CHN2: variants seen among roughly 807,000 people sequenced by gnomAD.
CHN2 encodes the protein beta-chimaerin.
In CHN2, 35 loss-of-function variants were observed where a neutral mutation model predicts 56.3. The ratio of observed to expected loss-of-function variants is 0.62; its 90% CI spans 0.47 to 0.82. The LOEUF (loss-of-function observed/expected upper bound fraction) is 0.82. Among genes scored for constraint, CHN2 ranks in the 40% least tolerant of loss-of-function variants. The pLI, the probability that CHN2 is intolerant of heterozygous loss-of-function variation, is 0.00. For synonymous variants in CHN2, 210 were observed against 212.8 expected (o/e 0.99, Z 0.12); for missense variants, 491 against 580.5 (o/e 0.85, Z 1.58).
intron 1 of CHN2, among the ~76,000 whole-genome samples, chr7:29,310,202 G>GA (rs1206443400): frequency 2.8e-4 from 42 of 151,712 alleles, no homozygotes; most frequent in Admixed American, 7.2e-4. Flanking sequence ...TTCAGTAATA[G>GA]AAAAAAAACT....
intron 1 of CHN2, among the ~76,000 whole-genome samples, chr7:29,224,630 C>T (rs138811089): frequency 1.4e-4 from 21 of 152,220 alleles, no homozygotes; most frequent in Middle Eastern, 6.8e-3. Flanking sequence ...TCTCTGTTTA[C>T]CAAAGAGATT....
At chr7:29,342,278 A>G (rs1370588791) in intron 1 of CHN2, among the ~76,000 whole-genome samples, 2 of 152,188 alleles carry the variant, frequency 1.3e-5, no homozygotes, top group African/African-American at 4.8e-5. Flanking sequence ...GGAAAGTTAT[A>G]AAGATCCCAG....
intron 6 of CHN2, among the ~76,000 whole-genome samples, chr7:29,437,316 C>CATAATAGGCCAAAAACCTTAA (rs372528993): frequency 3.6e-5 from 5 of 137,780 alleles, no homozygotes; most frequent in African/African-American, 6.1e-5. Flanking sequence ...TATCTAAAAC[C>CATAATAGGCCAAAAACCTTAA]GGCTGGGCGC....
chr7:29,401,014 C>T, intron 6 of CHN2, 186 bp downstream of exon 6: 2 of 616,072 alleles, frequency 3.2e-6, no homozygotes, highest in South Asian at 2.0e-5. Flanking sequence ...TGGCTCATGC[C>T]TGTAATCTCT....
chr7:29,402,273 A>G (rs773385940), intron 6 of CHN2, among the ~76,000 whole-genome samples: 2 of 152,228 alleles, frequency 1.3e-5, no homozygotes, highest in Non-Finnish European at 2.9e-5. Context: ...AACCTTCCAC[A>G]GAATCACATC....
At chr7:29,356,999 G>A (rs181763507) in intron 2 of CHN2, among the ~76,000 whole-genome samples, 13 of 152,266 alleles carry the variant, frequency 8.5e-5, no homozygotes, top group African/African-American at 2.2e-4. Context: ...TTGCTGAAGC[G>A]AAAAGATGGC....
At chr7:29,315,283 T>C (rs1264721166) in intron 1 of CHN2, among the ~76,000 whole-genome samples, 1 of 152,200 alleles carries the variant, frequency 6.6e-6, no homozygotes, top group East Asian at 1.9e-4. Flanking sequence ...CAAATCCTGC[T>C]TATTTTGATC....
At chr7:29,176,637 AAAG>A (rs1318651570) in intron 2 of CHN2, among the ~76,000 whole-genome samples, 4 of 152,234 alleles carry the variant, frequency 2.6e-5, no homozygotes, top group Non-Finnish European at 5.9e-5. Context: ...TAGGAAGAAA[AAAG>A]AATACAGAAG....
chr7:29,446,895 C>G (rs1784070343), intron 6 of CHN2, among the ~76,000 whole-genome samples: 1 of 152,156 alleles, frequency 6.6e-6, no homozygotes, highest in Non-Finnish European at 1.5e-5. Flanking sequence ...CTCAGGATGC[C>G]TCCATCTCAG....
rs1791626544 is a variant in CHN2 at position 29,512,657 on chromosome 7, C to T, written c.1329C>T (p.Thr443=). 6.2e-7 allele frequency: 1 copy of T among 1,614,142 alleles called. No individual in the cohort carries two copies. Among genetic ancestry groups the T allele is most frequent in the Non-Finnish European group, 8.5e-7 (1 of 1,180,026 alleles). ...TGATGAGGCCCCCTGAGGACAGCAC[C>T]CTGACCACCCTGCATGATATGCGGT... The part of the protein sequence containing the change: ...PTLMRPPEDS[T]LTTLHDMRYQ... The change falls in exon 13 of 13, where the codon ACC becomes ACT. Residue 443 remains threonine (T), a synonymous_variant. Coordinates refer to ENST00000222792, the MANE Select transcript of CHN2 (RefSeq NM_004067.4).
chr7:29,322,333 G>A (rs1795419045), intron 1 of CHN2, among the ~76,000 whole-genome samples: 1 of 152,150 alleles, frequency 6.6e-6, no homozygotes, highest in African/African-American at 2.4e-5. Flanking sequence ...GTGGGATGTG[G>A]CTTTAACCCA....
chr7:29,366,437 A>G (rs942740581), intron 2 of CHN2, among the ~76,000 whole-genome samples: 1 of 152,202 alleles, frequency 6.6e-6, no homozygotes, highest in African/African-American at 2.4e-5. Context: ...GGGTGGTGCC[A>G]TGGAAGCCAA....
At chr7:29,272,820 A>C (rs1790773268) in intron 1 of CHN2, among the ~76,000 whole-genome samples, 1 of 152,202 alleles carries the variant, frequency 6.6e-6, no homozygotes, top group Non-Finnish European at 1.5e-5. Context: ...TGTATATTTG[A>C]GGTTTACAAC....
At chr7:29,280,463 C>T (rs1056726683) in intron 1 of CHN2, among the ~76,000 whole-genome samples, 1 of 151,940 alleles carries the variant, frequency 6.6e-6, no homozygotes, top group African/African-American at 2.4e-5. Context: ...AAGTTAATGG[C>T]TTGAGTTTGG....
intron 1 of CHN2, among the ~76,000 whole-genome samples, chr7:29,262,405 T>C (rs1327873028): frequency 6.6e-6 from 1 of 152,242 alleles, no homozygotes; most frequent in African/African-American, 2.4e-5. Context: ...GTTAATACTT[T>C]AAACTATTTC....
intron 2 of CHN2, among the ~76,000 whole-genome samples, chr7:29,162,792 T>C (rs1247245512): frequency 6.6e-6 from 1 of 151,892 alleles, no homozygotes; most frequent in Non-Finnish European, 1.5e-5. Context: ...ATAAATGAAA[T>C]GGCTGCCAAA....
At position 29,367,945 on chromosome 7, in the gene CHN2, G is replaced by A; in HGVS notation, c.102G>A (p.Gln34=). The change falls in exon 3 of 13, where the codon CAG becomes CAA. Residue 34 remains glutamine, a synonymous_variant. Transcript: ENST00000222792. The part of the protein sequence containing the change: ...PIWKSYLYQL[Q]QEAPRPKRII... ...CTTTTTTGGCAGTATATCAGTTACA[G>A]CAAGAGGCACCTCGTCCCAAGAGAA... The A allele has an allele frequency of 6.2e-7, 1 of 1,610,720 alleles. No homozygotes were observed. The highest frequency in any genetic ancestry group is 8.5e-7 in the Non-Finnish European group (1 of 1,178,666).
intron 1 of CHN2, among the ~76,000 whole-genome samples, chr7:29,230,784 A>G (rs1054635467): frequency 4.6e-5 from 7 of 152,178 alleles, no homozygotes; most frequent in Non-Finnish European, 8.8e-5. Context: ...CCTGTTTAAC[A>G]TTCCCAAATC....
intron 3 of CHN2, among the ~76,000 whole-genome samples, chr7:29,377,335 C>A (rs1800150859): frequency 6.6e-6 from 1 of 152,190 alleles, no homozygotes; most frequent in African/African-American, 2.4e-5. Flanking sequence ...CAAATTCAGT[C>A]TTAATATGAT....
Sources: allele counts gnomAD v4.1 joint callset (sites outside exome capture counted in the v4.1 genomes callset), GRCh38; gene constraint gnomAD v4.1.1; transcripts MANE v1.5; gene names NCBI Gene and HGNC (gene_info 2026-07-23, HGNC 2026-07-21).